RRP12: variants seen among roughly 807,000 people sequenced by gnomAD.
RRP12 encodes the protein RRP12-like protein.
A neutral mutation model predicts 157.3 loss-of-function variants in RRP12; 78 were observed. That is an observed-to-expected ratio of 0.50 (90% confidence interval 0.41 to 0.60). The LOEUF (loss-of-function observed/expected upper bound fraction) is 0.60. RRP12 is among the 20% of genes least tolerant of loss of function. RRP12 has a pLI of 0.00. For missense variants in RRP12, 1,521 were observed against 1,679.9 expected, an observed-to-expected ratio of 0.91 and a Z score of 1.65; for synonymous variants, 726 against 670.9, an observed-to-expected ratio of 1.08 and a Z score of -1.27.
chr10:97,387,964 AAAAAT>A, intron 8 of RRP12: 2 of 218,534 alleles, frequency 9.2e-6, no homozygotes, highest in South Asian at 7.9e-5. Flanking sequence ...AAAAAAAAAA[AAAAAT>A]TGGTATAGGG....
At chr10:97,358,731 C>T in intron 32 of RRP12, 112 bp from the exon 33 acceptor site, 2 of 901,484 alleles carry the variant, frequency 2.2e-6, no homozygotes, top group Middle Eastern at 2.2e-4. Flanking sequence ...TAGGTGGTGC[C>T]AAAGAGCTCC....
intron 30 of RRP12, among the ~76,000 whole-genome samples, chr10:97,360,863 G>A (rs530541239): frequency 2.6e-5 from 4 of 152,316 alleles, no homozygotes; most frequent in Non-Finnish European, 4.4e-5. Flanking sequence ...GGTGGCGGCC[G>A]TTCCTGCTCT....
rs1844163157 is a variant in RRP12, at chr10:97,371,820, G to A, written c.2343+253C>T. ...GGCCTGGGGAGTGAGCCAGGCAAAG[G>A]AGCATGGCCTTGGTTCTACAAGAGT... On this transcript the variant is annotated intron_variant, in intron 20 of 33. Coordinates refer to ENST00000370992, the MANE Select transcript of RRP12 (RefSeq NM_015179.4). The A allele has an allele frequency of 7.2e-6, 3 of 417,028 alleles. No individual in the cohort carries two copies. In the East Asian group the frequency reaches 1.1e-4, roughly 15 times the overall value. The allele number at this position is 417,028 out of a possible 1,614,324, so 25.8% of individuals were successfully genotyped here. A position where few individuals can be genotyped will look rare whatever the true frequency, so the allele number is the denominator to read the frequency against.
At chr10:97,361,661 C>T (rs1043565864) in intron 30 of RRP12, among the ~76,000 whole-genome samples, 36 of 152,304 alleles carry the variant, frequency 2.4e-4, no homozygotes, top group African/African-American at 8.4e-4. Flanking sequence ...AAACAGGAAC[C>T]GGGAGGAAGC....
At chr10:97,366,297 G>T in intron 28 of RRP12, 64 bp from the exon 29 acceptor site, 2 of 1,591,148 alleles carry the variant, frequency 1.3e-6, no homozygotes, top group South Asian at 2.2e-5. Context: ...CCCTCATCAT[G>T]ACCAACAAGC....
intron 11 of RRP12, 57 bp downstream of exon 11, chr10:97,381,658 C>A: frequency 6.8e-7 from 1 of 1,473,328 alleles, no homozygotes; most frequent in Non-Finnish European, 9.5e-7. Context: ...CTGGGAAAGA[C>A]AGGGCAGCCC....
chr10:97,382,130 A>G (rs1038162407), intron 10 of RRP12, among the ~76,000 whole-genome samples: 2 of 152,126 alleles, frequency 1.3e-5, no homozygotes, highest in African/African-American at 4.8e-5. Context: ...AAGTTTCTTA[A>G]ATACCCTTCC....
intron 2 of RRP12, among the ~76,000 whole-genome samples, chr10:97,397,133 GT>G (rs1190089616): frequency 6.6e-6 from 1 of 151,912 alleles, no homozygotes; most frequent in Non-Finnish European, 1.5e-5. Context: ...TATATAAATA[GT>G]TGTTATACTG....
intron 2 of RRP12, among the ~76,000 whole-genome samples, chr10:97,397,929 AAAAG>A (rs1416523145): frequency 7.3e-6 from 1 of 136,584 alleles, no homozygotes; most frequent in East Asian, 2.0e-4. Context: ...AAAAGAAAAG[AAAAG>A]AAAAGAAACT....
intron 15 of RRP12, among the ~76,000 whole-genome samples, chr10:97,377,695 T>G (rs1844347893): frequency 6.6e-6 from 1 of 151,478 alleles, no homozygotes; most frequent in Non-Finnish European, 1.5e-5. Flanking sequence ...AAATACAAAA[T>G]TAGCTGGGTG....
chr10:97,379,799 A>G (rs1477272958), intron 13 of RRP12, 29 bp from the exon 14 acceptor site: 17 of 1,572,082 alleles, frequency 1.1e-5, no homozygotes, highest in Non-Finnish European at 1.4e-5. Context: ...ACCACACATC[A>G]AGACATGCTC....
intron 29 of RRP12, among the ~76,000 whole-genome samples, chr10:97,364,519 G>A (rs1210957664): frequency 1.3e-5 from 2 of 152,198 alleles, no homozygotes; most frequent in South Asian, 2.1e-4. Flanking sequence ...AGGAGTTCAA[G>A]ACCAGTCTGC....
intron 1 of RRP12, among the ~76,000 whole-genome samples, 172 bp downstream of exon 1, chr10:97,400,921 G>C (rs965456401): frequency 2.0e-5 from 3 of 152,158 alleles, no homozygotes; most frequent in Non-Finnish European, 2.9e-5. Flanking sequence ...CTCAGTTTCT[G>C]TATCTGCTAA....
In RRP12 at chr10:97,388,324, C is replaced by G; in HGVS notation, c.945G>C (p.Leu315=). 1.2e-6 allele frequency: 2 copies of G among 1,614,012 alleles called. No individual in the cohort carries two copies. Among genetic ancestry groups the G allele is most frequent in the Non-Finnish European group, 1.7e-6 (2 of 1,180,026 alleles). Residue 315 remains leucine, a synonymous_variant, in exon 8 of 34, where the codon CTG becomes CTC. Transcript: ENST00000370992. ...LHMLTLLKDL[L]PCFPEGLVKS... ...TCACCAGGCCTTCCGGGAAGCAGGG[C>G]AGCAGGTCCTTCAGCAGCGTCAGCA...
At chr10:97,385,305 G>C in intron 9 of RRP12, 48 bp from the exon 10 acceptor site, 1 of 1,410,442 alleles carries the variant, frequency 7.1e-7, no homozygotes, top group Non-Finnish European at 1.0e-6. Context: ...GTCTGCAATA[G>C]CCCAGTGATG....
intron 4 of RRP12, among the ~76,000 whole-genome samples, chr10:97,391,089 C>T (rs1360263442): frequency 1.3e-5 from 2 of 152,174 alleles, no homozygotes; most frequent in African/African-American, 2.4e-5. Flanking sequence ...CCTCTCTCCA[C>T]CTCCCCTGGC....
chr10:97,364,003 A>C (rs1226326440), intron 29 of RRP12, 100 bp from the exon 30 acceptor site: 4 of 1,005,714 alleles, frequency 4.0e-6, no homozygotes, highest in Non-Finnish European at 6.4e-6. Flanking sequence ...CGGGGCCACC[A>C]ACTCCGGCCC....
At chr10:97,358,226 G>A (rs760289777) in intron 33 of RRP12, among the ~76,000 whole-genome samples, 6 of 151,860 alleles carry the variant, frequency 4.0e-5, no homozygotes, top group African/African-American at 1.5e-4. Flanking sequence ...CTAGCTACTC[G>A]GGAGGCTGAG....
In RRP12 at chr10:97,388,351, G is replaced by A. The variant is rs759898210; in HGVS notation, c.918C>T (p.His306=). ...GCAGGTCCTTCAGCAGCGTCAGCAT[G>A]TGCAGCGTGGTGGTGGCCTCCTTGG... ...GGSKEATTTL[H]MLTLLKDLLP... Residue 306 remains histidine, a synonymous_variant, in exon 8 of 34, where the codon CAC becomes CAT. Coordinates refer to ENST00000370992, the MANE Select transcript of RRP12 (RefSeq NM_015179.4). 5.6e-6 allele frequency: 9 copies of A among 1,613,840 alleles called. No individual in the cohort carries two copies. The South Asian group carries it at 8.8e-5, about 16-fold the overall frequency.
Sources: gnomAD v4.1 joint callset for allele counts (sites outside exome capture counted in the v4.1 genomes callset) on GRCh38, gnomAD v4.1.1 for gene constraint, MANE v1.5 for transcripts, NCBI Gene and HGNC (gene_info 2026-07-23, HGNC 2026-07-21) for gene names.